The following TEX11 variants were observed in gnomAD, a reference collection of about 807,000 sequenced individuals.
TEX11 encodes testis expressed 11, also known as testis-expressed protein 11.
A neutral mutation model predicts 84.4 loss-of-function variants in TEX11; 7 were observed. The observed-to-expected ratio is 0.08, with a 90% CI of 0.05 to 0.16. TEX11 has a LOEUF of 0.16. Ranked by LOEUF, TEX11 falls within the 10% of genes least tolerant of loss-of-function variation. TEX11 has a pLI of 1.00. For missense variants in TEX11, 551 were observed against 660.5 expected (o/e 0.83, Z 1.82); for synonymous variants, 264 against 222.8 (o/e 1.18, Z -1.64).
At chrX:70,699,031 T>C (rs1926549899) in intron 13 of TEX11, among the ~76,000 whole-genome samples, 1 of 111,614 alleles carries the variant, frequency 9.0e-6, no homozygotes, top group Admixed American at 9.6e-5. Context: ...ACATAAGCCT[T>C]GCAGTATCTG....
intron 9 of TEX11, among the ~76,000 whole-genome samples, chrX:70,782,617 G>C (rs1278965584): frequency 1.5e-5 from 1 of 65,358 alleles, no homozygotes; most frequent in African/African-American, 7.6e-5. Flanking sequence ...TTTAAAAATA[G>C]AGGAAGATCT....
chrX:70,526,547 C>T (rs1313510154), downstream of TEX11, among the ~76,000 whole-genome samples: 40 of 99,717 alleles, frequency 4.0e-4, no homozygotes, highest in Non-Finnish European at 7.2e-4. Flanking sequence ...CCAGCCTGGG[C>T]GACACAGCAA....
At chrX:70,664,374 C>T (rs56405261) in intron 16 of TEX11, among the ~76,000 whole-genome samples, 12,574 of 110,906 alleles carry the variant, frequency 0.11, 608 homozygotes, top group Middle Eastern at 0.19. Context: ...TGTTTGTCTT[C>T]GTCTTGCTAG....
chrX:70,528,408 C>A (rs767143014), downstream of TEX11, among the ~76,000 whole-genome samples: 1 of 111,380 alleles, frequency 9.0e-6, no homozygotes, highest in East Asian at 2.8e-4. Context: ...ACCTCTGTCT[C>A]CTGGGTTCAA....
Position 70,737,276 on chromosome X carries a change from A to G in TEX11, c.843+3425T>C, listed in dbSNP as rs191711958. Among the ~76,000 whole-genome samples, 602 of 111,661 alleles carry G rather than the reference A, an allele frequency of 5.4e-3. 2 individuals carry two copies. The highest frequency in any genetic ancestry group is 0.018 in the African/African-American group (550 of 30,834). Reference sequence around the variant, plus strand: ...AAGAAAGATTAATGAACTTAAAAGTAATAGCAATACAAAACAGTCCAAAAT... The same window carrying G: ...AAGAAAGATTAATGAACTTAAAAGTGATAGCAATACAAAACAGTCCAAAAT... On this transcript the variant is annotated intron_variant, in intron 11 of 29. Coordinates refer to ENST00000374333, the MANE Select transcript of TEX11 (RefSeq NM_031276.3).
chrX:70,678,710 TTGAAGTATTTGA>T lies in TEX11; in HGVS notation c.1242+82_1242+93del. On this transcript the variant is annotated intron_variant, in intron 15 of 29. Coordinates refer to ENST00000374333, the MANE Select transcript of TEX11 (RefSeq NM_031276.3). ...ATGGTATCTAAACAGACAGAGATTATTGAAGTATTTGATGCTCTTTTATTTTTATAGTGAATG... is the reference window on the plus strand; with the variant it reads ...ATGGTATCTAAACAGACAGAGATTATTGCTCTTTTATTTTTATAGTGAATG... 7.8e-6 allele frequency: 5 copies of T among 639,995 alleles called. No homozygotes were observed. In the South Asian group the frequency reaches 1.3e-4, roughly 17 times the overall value. 52.7% of individuals were successfully genotyped at this position (639,995 alleles called of 1,213,427 possible). A position where few individuals can be genotyped will look rare whatever the true frequency, so the allele number is the denominator to read the frequency against.
At chrX:70,843,131 T>A (rs1048656277) in intron 7 of TEX11, among the ~76,000 whole-genome samples, 5 of 111,622 alleles carry the variant, frequency 4.5e-5, no homozygotes, top group African/African-American at 1.6e-4. Context: ...AAAAACTACT[T>A]TAAAGTTCAT....
intron 7 of TEX11, among the ~76,000 whole-genome samples, chrX:70,837,687 CA>C (rs1252658015): frequency 9.0e-6 from 1 of 111,198 alleles, no homozygotes; most frequent in Non-Finnish European, 1.9e-5. Flanking sequence ...TGTAATATTA[CA>C]TTTATATAAT....
intron 8 of TEX11, among the ~76,000 whole-genome samples, chrX:70,807,075 T>C (rs1049391681): frequency 4.4e-5 from 5 of 112,455 alleles, no homozygotes; most frequent in African/African-American, 1.6e-4. Flanking sequence ...AAATTACTAA[T>C]AGAAGTTAAA....
intron 9 of TEX11, among the ~76,000 whole-genome samples, chrX:70,752,642 T>C (rs1306295308): frequency 9.3e-6 from 1 of 107,941 alleles, no homozygotes; most frequent in African/African-American, 3.4e-5. Context: ...ATTCCAGAGG[T>C]GGAACAAGAT....
chrX:70,661,323 G>T (rs1277902417), intron 16 of TEX11, among the ~76,000 whole-genome samples: 1 of 112,350 alleles, frequency 8.9e-6, no homozygotes, highest in African/African-American at 3.2e-5. Context: ...CAGCAAAGCT[G>T]GGGGAGGGGC....
downstream of TEX11, among the ~76,000 whole-genome samples, chrX:70,526,395 C>T (rs2087822763): frequency 9.1e-6 from 1 of 110,102 alleles, no homozygotes; most frequent in East Asian, 2.9e-4. Flanking sequence ...ATGGCGAAAT[C>T]TCGTCTCTAC....
intron 9 of TEX11, among the ~76,000 whole-genome samples, chrX:70,777,837 C>G (rs1334392002): frequency 9.0e-6 from 1 of 110,703 alleles, no homozygotes; most frequent in Non-Finnish European, 1.9e-5. Flanking sequence ...AAGGGAAGAG[C>G]AAAGAAACTA....
intron 16 of TEX11, among the ~76,000 whole-genome samples, chrX:70,655,409 C>T (rs767232588): frequency 2.7e-4 from 30 of 111,480 alleles, no homozygotes; most frequent in Admixed American, 2.4e-3. Flanking sequence ...ATGTATATTG[C>T]CTTTACATCA....
chrX:70,527,810 CTG>C (rs1473330903), downstream of TEX11, among the ~76,000 whole-genome samples: 7 of 111,766 alleles, frequency 6.3e-5, no homozygotes, highest in African/African-American at 2.3e-4. Flanking sequence ...CAGAAAGAAA[CTG>C]AGAGAGTGAC....
Position 70,529,863 on chromosome X carries a change from G to T in TEX11, c.2657C>A (p.Thr886Asn), listed in dbSNP as rs139092522. ...AGTTTCATAGCTTTCCTTGAAGGAG[G>T]TAAGGTGGTTAAGGAAACGCAAGGC... ...GLALRFLNHL[T>N]SFKESYETQM... The change falls in exon 29 of 30, where the codon ACC becomes AAC. Residue 886 changes from threonine to asparagine, a missense_variant. Physicochemically the swap from Thr to Asn is moderately conservative, Grantham distance 65 (BLOSUM62 0). Transcript: ENST00000374333. 36 of 1,208,836 alleles carry T rather than the reference G, an allele frequency of 3.0e-5. No individual in the cohort carries two copies. Among genetic ancestry groups the T allele is most frequent in the Non-Finnish European group, 4.0e-5 (36 of 894,849 alleles).
At chrX:70,832,124 A>AAATTCAC (rs2091380312) in intron 8 of TEX11, among the ~76,000 whole-genome samples, 2 of 111,625 alleles carry the variant, frequency 1.8e-5, no homozygotes, top group African/African-American at 6.5e-5. Flanking sequence ...CCATGAGTAG[A>AAATTCAC]ACATAGAATT....
intron 13 of TEX11, among the ~76,000 whole-genome samples, chrX:70,712,300 A>G (rs2090444235): frequency 9.0e-6 from 1 of 111,604 alleles, no homozygotes; most frequent in African/African-American, 3.3e-5. Flanking sequence ...TATGAACTTT[A>G]AAGTAGCTTT....
chrX:70,516,622 A>G, the TEX11 span, among the ~76,000 whole-genome samples: 2 of 111,328 alleles, frequency 1.8e-5, no homozygotes, highest in Non-Finnish European at 1.9e-5. Context: ...TTGGTTCCAT[A>G]TGAACTTTAA....
Sources: allele counts gnomAD v4.1 joint callset (sites outside exome capture counted in the v4.1 genomes callset), GRCh38; gene constraint gnomAD v4.1.1; transcripts MANE v1.5; gene names NCBI Gene and HGNC (gene_info 2026-07-23, HGNC 2026-07-21).